Variants in ZSWIM2 observed in about 807,000 individuals in gnomAD.
The protein encoded by ZSWIM2 is zinc finger SWIM-type containing 2, also known as E3 ubiquitin-protein ligase ZSWIM2.
A neutral mutation model predicts 48.4 loss-of-function variants in ZSWIM2; 38 were observed. The ratio of observed to expected loss-of-function variants is 0.79; its 90% confidence interval spans 0.61 to 1.03. ZSWIM2 has a LOEUF of 1.03. Among genes scored for constraint, ZSWIM2 ranks in the 50% least tolerant of loss-of-function variants. The pLI is 0.00. For missense variants in ZSWIM2, 776 were observed against 730.2 expected (o/e 1.06, Z -0.72); for synonymous variants, 240 against 251.3 (o/e 0.96, Z 0.42).
At chr2:186,838,462 T>C (rs1457787802) in intron 4 of ZSWIM2, among the ~76,000 whole-genome samples, 1 of 150,104 alleles carries the variant, frequency 6.7e-6, no homozygotes, top group Non-Finnish European at 1.5e-5. Context: ...ATCTTTACTT[T>C]CAGAAAAGTC....
intron 3 of ZSWIM2, among the ~76,000 whole-genome samples, chr2:186,843,103 G>C (rs1252754329): frequency 6.6e-6 from 1 of 151,478 alleles, no homozygotes; most frequent in Non-Finnish European, 1.5e-5. Context: ...TTACTTCCCT[G>C]TTTCTTTTTA....
chr2:186,836,570 A>G (rs1414846480), intron 5 of ZSWIM2, among the ~76,000 whole-genome samples: 1 of 152,132 alleles, frequency 6.6e-6, no homozygotes, highest in Non-Finnish European at 1.5e-5. Flanking sequence ...GCTCATCATA[A>G]TGTAATTCAA....
chr2:186,841,508 A>G (rs1411229474), intron 3 of ZSWIM2, among the ~76,000 whole-genome samples: 1 of 151,394 alleles, frequency 6.6e-6, no homozygotes, highest in Non-Finnish European at 1.5e-5. Context: ...GGAGACATAA[A>G]AATATTAACA....
intron 2 of ZSWIM2, among the ~76,000 whole-genome samples, chr2:186,845,272 T>C (rs1691977390): frequency 6.6e-6 from 1 of 151,482 alleles, no homozygotes; most frequent in Non-Finnish European, 1.5e-5. Flanking sequence ...TAAATATACT[T>C]TAGTATATGA....
In ZSWIM2 at chr2:186,849,013, T is replaced by G; in HGVS notation, c.118A>C (p.Thr40Pro). The G allele has an allele frequency of 6.2e-7, 1 of 1,614,134 alleles. No individual in the cohort carries two copies. Among genetic ancestry groups the G allele is most frequent in the Non-Finnish European group, 8.5e-7 (1 of 1,179,988 alleles). ...TCCTCCTCCCTCAGCAGGAAGCCAG[T>G]GGGGCCCATCTCTCGTAGGAGGTAG... ...SIYLLREMGPTGFLLREEEPE... is the reference protein window; with the variant it reads ...SIYLLREMGPPGFLLREEEPE... Residue 40 changes from threonine to proline, a missense_variant, in exon 1 of 9, where the codon ACT (threonine) becomes CCT (proline). Thr to Pro is a conservative substitution (Grantham distance 38). Coordinates refer to ENST00000295131, the MANE Select transcript of ZSWIM2 (RefSeq NM_182521.3).
At chr2:186,847,429 T>C (rs756994511) in intron 2 of ZSWIM2, among the ~76,000 whole-genome samples, 12 of 152,044 alleles carry the variant, frequency 7.9e-5, no homozygotes, top group South Asian at 2.1e-4. Flanking sequence ...TCAGGATTTT[T>C]CCCCCGTTTT....
chr2:186,838,347 T>TA (rs762167435), intron 4 of ZSWIM2, among the ~76,000 whole-genome samples: 159 of 138,668 alleles, frequency 1.1e-3, no homozygotes, highest in South Asian at 1.8e-3. Flanking sequence ...CATTAATGAG[T>TA]AAAAAAAAAA....
intron 4 of ZSWIM2, 81 bp from the exon 5 acceptor site, chr2:186,837,635 A>G (rs904585654): frequency 3.6e-5 from 15 of 416,814 alleles, no homozygotes; most frequent in Non-Finnish European, 4.7e-5. Context: ...TATATTATAT[A>G]TATATTTATA....
At position 186,829,948 on chromosome 2, in the gene ZSWIM2, C is replaced by T. The variant is rs930007950; in HGVS notation, c.942-68G>A. 3.4e-5 allele frequency: 51 copies of T among 1,505,860 alleles called. No homozygotes were observed. The African/African-American group carries it at 7.1e-4, about 21-fold the overall frequency. 93.3% of individuals were successfully genotyped at this position (1,505,860 alleles called of 1,614,324 possible). ...ATAGATCAGGAAGTGATCAATAGCA[C>T]AGGTAAATAGTCTCTATATAAATAA... On this transcript the variant is annotated intron_variant, in intron 7 of 8. Coordinates refer to ENST00000295131, the MANE Select transcript of ZSWIM2 (RefSeq NM_182521.3).
chr2:186,831,713 A>T (rs1411680253), intron 7 of ZSWIM2, among the ~76,000 whole-genome samples: 2 of 152,142 alleles, frequency 1.3e-5, no homozygotes, highest in Non-Finnish European at 2.9e-5. Context: ...TGATGAGCTC[A>T]TGTCCTTTGT....
intron 6 of ZSWIM2, 54 bp from the exon 7 acceptor site, chr2:186,833,286 T>TGTGG: frequency 1.1e-6 from 1 of 880,008 alleles, no homozygotes; most frequent in African/African-American, 1.8e-5. Context: ...ATTTTCATTT[T>TGTGG]GTGGAGAAAA....
intron 5 of ZSWIM2, 61 bp from the exon 6 acceptor site, chr2:186,834,091 G>T: frequency 1.5e-6 from 2 of 1,375,768 alleles, no homozygotes; most frequent in South Asian, 1.2e-5. Context: ...TGATGGTTTT[G>T]GGTGAAAAAT....
chr2:186,844,686 AAAC>A, intron 3 of ZSWIM2, 28 bp downstream of exon 3: 3 of 1,536,118 alleles, frequency 2.0e-6, no homozygotes, highest in African/African-American at 1.5e-5. Context: ...AATAAAAAAA[AAAC>A]ACAAAAAACC....
At chr2:186,836,436 C>T (rs1309363988) in intron 5 of ZSWIM2, among the ~76,000 whole-genome samples, 2 of 152,044 alleles carry the variant, frequency 1.3e-5, no homozygotes, top group African/African-American at 2.4e-5. Flanking sequence ...AATCAACTTT[C>T]TTTTGTGTTA....
chr2:186,847,256 T>A (rs1692021195), intron 2 of ZSWIM2, among the ~76,000 whole-genome samples: 1 of 152,066 alleles, frequency 6.6e-6, no homozygotes, highest in Non-Finnish European at 1.5e-5. Context: ...ATTTTGAAAC[T>A]TGACTGCCAT....
chr2:186,832,307 A>C (rs1008578510), intron 7 of ZSWIM2, among the ~76,000 whole-genome samples: 51 of 151,068 alleles, frequency 3.4e-4, no homozygotes, highest in Non-Finnish European at 5.8e-4. Flanking sequence ...TTTTTAGTAG[A>C]GGCATGGTTT....
At chr2:186,830,387 GAA>G (rs572611476) in intron 7 of ZSWIM2, among the ~76,000 whole-genome samples, 2 of 151,548 alleles carry the variant, frequency 1.3e-5, no homozygotes, top group Non-Finnish European at 2.9e-5. Flanking sequence ...ACCTCAAAGA[GAA>G]AAAAAAGTTT....
chr2:186,839,000 T>C lies in ZSWIM2; in HGVS notation c.453A>G (p.Gln151=). The C allele has an allele frequency of 6.2e-7, 1 of 1,610,680 alleles. No individual in the cohort carries two copies. Among genetic ancestry groups the C allele is most frequent in the Non-Finnish European group, 8.5e-7 (1 of 1,177,762 alleles). ...IDSEDICSIC[Q]ELLLEKKLPV... ...GAAGCTTTTTCTCTAAAAGTAGCTC[T>C]TGACAAATAGAGCAGATATCCTCTG... The change falls in exon 4 of 9, where the codon CAA becomes CAG. Residue 151 remains glutamine (Q), a synonymous_variant. Transcript: ENST00000295131.
At chr2:186,844,613 A>C in intron 3 of ZSWIM2, 104 bp downstream of exon 3, 2 of 1,154,862 alleles carry the variant, frequency 1.7e-6, no homozygotes, top group Non-Finnish European at 2.4e-6. Context: ...TAGAAAAGTA[A>C]CCATCTAAAT....
Sources: gnomAD v4.1 joint callset for allele counts (sites outside exome capture counted in the v4.1 genomes callset) on GRCh38, gnomAD v4.1.1 for gene constraint, MANE v1.5 for transcripts, NCBI Gene and HGNC (gene_info 2026-07-23, HGNC 2026-07-21) for gene names.